ACP6: variants seen among roughly 807,000 people sequenced by gnomAD.
ACP6 encodes the protein acid phosphatase 6, lysophosphatidic.
Under a neutral mutation model 48.1 loss-of-function variants are expected in ACP6, and 48 were observed. The observed-to-expected ratio is 1.00, with a 90% CI of 0.79 to 1.27. The LOEUF (loss-of-function observed/expected upper bound fraction) is 1.27. ACP6 is among the 50% of genes most tolerant of loss of function. The pLI, the probability that ACP6 is intolerant of heterozygous loss-of-function variation, is 0.00. For missense variants in ACP6, 485 were observed against 529.1 expected (o/e 0.92, Z 0.82); for synonymous variants, 172 against 204.2 (o/e 0.84, Z 1.34).
At chr1:147,666,766 A>G (rs1423082467) in intron 1 of ACP6, among the ~76,000 whole-genome samples, 5 of 152,200 alleles carry the variant, frequency 3.3e-5, no homozygotes, top group African/African-American at 7.2e-5. Flanking sequence ...GTTGACTCCA[A>G]TGTTCACCAC....
At chr1:147,669,767 C>A (rs782306070) in intron 1 of ACP6, 63 bp downstream of exon 1, 35 of 1,466,398 alleles carry the variant, frequency 2.4e-5, no homozygotes, top group African/African-American at 7.0e-5. Context: ...TGTGTCAGGG[C>A]GAGACTCCTG....
intron 3 of ACP6, 156 bp from the exon 4 acceptor site, chr1:147,659,195 C>T: frequency 1.9e-6 from 2 of 1,045,434 alleles, no homozygotes; most frequent in Non-Finnish European, 2.7e-6. Flanking sequence ...GATGTCAGCC[C>T]CTGAGAGACT....
At chr1:147,647,863 A>G in intron 9 of ACP6, 1 of 498,670 alleles carries the variant, frequency 2.0e-6, no homozygotes, top group South Asian at 2.8e-5. Context: ...CCTGGACCCC[A>G]GCCCTGATGA....
At position 147,648,146 on chromosome 1, in the gene ACP6, C is replaced by T. The variant is rs782019991; in HGVS notation, c.1143+100G>A. On this transcript the variant is annotated intron_variant, in intron 9 of 9. Coordinates refer to ENST00000583509, the MANE Select transcript of ACP6 (RefSeq NM_016361.5). ...AGAGAGCTGACTGTGCCAAGAGAGA[C>T]TCCACTGGGCCTGAGGAGGGAGACT... 4.0e-5 allele frequency: 56 copies of T among 1,389,202 alleles called. 1 individual carries two copies. Among genetic ancestry groups the T allele is most frequent in the Non-Finnish European group, 5.5e-5 (55 of 1,005,314 alleles). 86.1% of individuals were successfully genotyped at this position (1,389,202 alleles called of 1,614,324 possible). A position where few individuals can be genotyped will look rare whatever the true frequency, so the allele number is the denominator to read the frequency against.
rs928469666 is a variant in ACP6 at position 147,663,903 on chromosome 1, A to G, written c.220-4128T>C. Among the ~76,000 whole-genome samples, 8 of 50,118 alleles carry G rather than the reference A, an allele frequency of 1.6e-4. No homozygotes were observed. The East Asian group carries it at 4.5e-3, about 28-fold the overall frequency. 32.9% of individuals were successfully genotyped at this position (50,118 alleles called of 152,430 possible). ...GGTTATCTTTTAAATCTGAATTCCT[A>G]TAACATTGATAACAAAAAAAATTTA... On this transcript the variant is annotated intron_variant, in intron 1 of 9. Transcript: ENST00000583509.
chr1:147,645,319 C>A lies in ACP6; in HGVS notation c.*2104G>T, dbSNP rs887244429. 1.3e-5 allele frequency: 2 copies of A among 152,052 alleles called. No individual in the cohort carries two copies. Among genetic ancestry groups the A allele is most frequent in the Non-Finnish European group, 2.9e-5 (2 of 67,998 alleles). 9.4% of individuals were successfully genotyped at this position (152,052 alleles called of 1,614,324 possible). On this transcript the variant is annotated 3_prime_UTR_variant, in exon 10 of 10. Transcript: ENST00000583509. ...GGCCAGGCTGGTCTCGAACTCCTGG[C>A]CTCAGGTGATCTGCCTGCCTTGGCC...
At chr1:147,633,099 T>G (rs1305667669) in intron 5 of ACP6, among the ~76,000 whole-genome samples, 2 of 152,210 alleles carry the variant, frequency 1.3e-5, no homozygotes, top group African/African-American at 4.8e-5. Flanking sequence ...GCCCATTCTA[T>G]TGAACATCAT....
chr1:147,666,517 G>C (rs1660804329), intron 1 of ACP6, among the ~76,000 whole-genome samples: 1 of 152,164 alleles, frequency 6.6e-6, no homozygotes, highest in Non-Finnish European at 1.5e-5. Flanking sequence ...AACCTTGTCT[G>C]TATACTGGTA....
chr1:147,652,392 C>T, intron 7 of ACP6, 57 bp downstream of exon 7: 2 of 1,534,326 alleles, frequency 1.3e-6, no homozygotes, highest in Non-Finnish European at 8.9e-7. Flanking sequence ...TCCTCTTCCC[C>T]ATACACTTGG....
chr1:147,653,044 G>A (rs1553210904), intron 6 of ACP6, among the ~76,000 whole-genome samples: 520 of 151,924 alleles, frequency 3.4e-3, no homozygotes, highest in African/African-American at 0.012. Flanking sequence ...AGCCAGGATG[G>A]TCTCAATCTC....
At chr1:147,648,816 T>C (rs1659763836) in intron 8 of ACP6, among the ~76,000 whole-genome samples, 1 of 152,202 alleles carries the variant, frequency 6.6e-6, no homozygotes. Flanking sequence ...CTTGAAGTTT[T>C]GGGGTATTAA....
intron 8 of ACP6, among the ~76,000 whole-genome samples, chr1:147,648,687 C>T (rs587711271): frequency 1.3e-5 from 2 of 152,280 alleles, no homozygotes; most frequent in South Asian, 4.1e-4. Flanking sequence ...AAAGAAGAAA[C>T]TGAGCGTGTG....
At chr1:147,648,118 T>A in intron 9 of ACP6, 128 bp downstream of exon 9, 1 of 1,107,266 alleles carries the variant, frequency 9.0e-7, no homozygotes, top group Non-Finnish European at 1.3e-6. Context: ...CCCTATAGGA[T>A]TCAGAGAGCT....
chr1:147,660,816 T>G (rs1375996767), intron 1 of ACP6, among the ~76,000 whole-genome samples: 1 of 152,256 alleles, frequency 6.6e-6, no homozygotes, highest in Non-Finnish European at 1.5e-5. Flanking sequence ...AATGTGATGT[T>G]TTCATATATA....
intron 1 of ACP6, 111 bp downstream of exon 1, chr1:147,669,719 C>T: frequency 8.2e-7 from 1 of 1,217,422 alleles, no homozygotes; most frequent in South Asian, 1.6e-5. Flanking sequence ...CTGGACCCAA[C>T]CCGAGCCCCG....
At chr1:147,657,285 C>T (rs1224285937) in intron 4 of ACP6, among the ~76,000 whole-genome samples, 2 of 152,208 alleles carry the variant, frequency 1.3e-5, no homozygotes, top group East Asian at 3.9e-4. Flanking sequence ...GGCAGACCAA[C>T]AATCTCCAGC....
At chr1:147,662,552 T>C (rs182319674) in intron 1 of ACP6, among the ~76,000 whole-genome samples, 9 of 152,322 alleles carry the variant, frequency 5.9e-5, no homozygotes, top group Admixed American at 4.6e-4. Flanking sequence ...GTGATGGAAA[T>C]AGCAAGAGAA....
At chr1:147,662,075 C>T (rs587642344) in intron 1 of ACP6, among the ~76,000 whole-genome samples, 1 of 152,324 alleles carries the variant, frequency 6.6e-6, no homozygotes, top group African/African-American at 2.4e-5. Flanking sequence ...CATGGCAGGA[C>T]ATCTGTTTAC....
At chr1:147,654,578 C>T (rs1028900269) in intron 5 of ACP6, among the ~76,000 whole-genome samples, 3 of 152,190 alleles carry the variant, frequency 2.0e-5, no homozygotes, top group Non-Finnish European at 4.4e-5. Context: ...CTAGCATTTG[C>T]ATTGCATCAA....
Sources: gnomAD v4.1 joint callset for allele counts (sites outside exome capture counted in the v4.1 genomes callset) on GRCh38, gnomAD v4.1.1 for gene constraint, MANE v1.5 for transcripts, NCBI Gene and HGNC (gene_info 2026-07-23, HGNC 2026-07-21) for gene names.